Variants in SLC39A11 observed in about 807,000 individuals in gnomAD.
The protein encoded by SLC39A11 is solute carrier family 39 member 11.
A neutral mutation model predicts 36.1 loss-of-function variants in SLC39A11; 33 were observed. The observed-to-expected ratio is 0.91, with a 90% CI of 0.69 to 1.22. The LOEUF (loss-of-function observed/expected upper bound fraction) is 1.22, where lower values mean the gene tolerates loss of function less well. SLC39A11 is among the 50% of genes most tolerant of loss of function. The pLI is 0.00. For synonymous variants in SLC39A11, 166 were observed against 170.3 expected, an observed-to-expected ratio of 0.97 and a Z score of 0.20; for missense variants, 432 against 430.3, an observed-to-expected ratio of 1.00 and a Z score of -0.03.
intron 6 of SLC39A11, among the ~76,000 whole-genome samples, chr17:72,748,246 C>T (rs1329649717): frequency 6.0e-5 from 9 of 151,226 alleles, no homozygotes; most frequent in South Asian, 2.1e-4. Flanking sequence ...CGCTTGAACA[C>T]GGGAGGTGGA....
intron 6 of SLC39A11, among the ~76,000 whole-genome samples, chr17:72,806,847 T>G (rs1230814187): frequency 6.6e-6 from 1 of 152,188 alleles, no homozygotes; most frequent in East Asian, 1.9e-4. Flanking sequence ...CCTCCCAAAG[T>G]GCTGGGATTA....
chr17:72,931,838 C>G (rs905987598), intron 5 of SLC39A11, among the ~76,000 whole-genome samples: 1 of 152,172 alleles, frequency 6.6e-6, no homozygotes, highest in African/African-American at 2.4e-5. Flanking sequence ...GATCTAAGAT[C>G]TTGCTCTACA....
chr17:72,721,590 T>C (rs78251249), intron 7 of SLC39A11, among the ~76,000 whole-genome samples: 2,466 of 152,292 alleles, frequency 0.016, 50 homozygotes, highest in African/African-American at 0.048. Context: ...TCATCATTAC[T>C]GTGGTCCATG....
intron 3 of SLC39A11, among the ~76,000 whole-genome samples, chr17:73,080,420 T>C (rs1448087107): frequency 1.3e-5 from 2 of 152,150 alleles, no homozygotes; most frequent in African/African-American, 2.4e-5. Flanking sequence ...GCTGGGATCA[T>C]TGGAAAGCCA....
At chr17:72,715,850 T>G (rs1211023878) in intron 7 of SLC39A11, among the ~76,000 whole-genome samples, 2 of 151,976 alleles carry the variant, frequency 1.3e-5, no homozygotes, top group Admixed American at 6.6e-5. Context: ...ATTACAGGCA[T>G]GTGCCACCTG....
chr17:72,979,050 A>G (rs1213316456), intron 4 of SLC39A11, among the ~76,000 whole-genome samples: 1 of 152,028 alleles, frequency 6.6e-6, no homozygotes, highest in East Asian at 1.9e-4. Flanking sequence ...CCCCATAATC[A>G]CCACGTGTCA....
intron 6 of SLC39A11, among the ~76,000 whole-genome samples, chr17:72,820,941 T>C (rs2077752282): frequency 6.6e-6 from 1 of 150,636 alleles, no homozygotes; most frequent in African/African-American, 2.4e-5. Flanking sequence ...GGCCTTGGAA[T>C]GTCTGCCGTA....
In SLC39A11 at chr17:72,852,154, G is replaced by A. The variant is rs557397272; in HGVS notation, c.431-2350C>T. 1.7e-4 allele frequency among the ~76,000 whole-genome samples: 21 copies of A among 124,018 alleles called. No individual in the cohort carries two copies. The South Asian group carries it at 4.4e-3, about 26-fold the overall frequency. The allele number at this position is 124,018 out of a possible 152,430, so 81.4% of individuals were successfully genotyped here. ...CAGGAGGCGGAGCTTGCAGTGACCC[G>A]AGATCCCGCGGCTGCACTCCAGCCT... On this transcript the variant is annotated intron_variant, in intron 5 of 9. Transcript: ENST00000255559.
intron 4 of SLC39A11, among the ~76,000 whole-genome samples, chr17:72,973,080 A>G (rs2087575615): frequency 6.6e-6 from 1 of 151,282 alleles, no homozygotes; most frequent in Non-Finnish European, 1.5e-5. Flanking sequence ...AAATACCCCA[A>G]GCTGCCTTCT....
At chr17:72,967,235 T>A (rs1046466714) in intron 4 of SLC39A11, among the ~76,000 whole-genome samples, 4 of 152,178 alleles carry the variant, frequency 2.6e-5, no homozygotes, top group Admixed American at 6.5e-5. Context: ...TCCCCCGCTC[T>A]GTAGAAAAAT....
intron 4 of SLC39A11, among the ~76,000 whole-genome samples, chr17:72,976,655 C>A (rs1477190468): frequency 6.6e-6 from 1 of 152,142 alleles, no homozygotes. Flanking sequence ...TCGAGACCAT[C>A]CAGGCCAACA....
At chr17:72,720,800 T>C (rs927209209) in intron 7 of SLC39A11, among the ~76,000 whole-genome samples, 4 of 152,142 alleles carry the variant, frequency 2.6e-5, no homozygotes, top group Admixed American at 2.0e-4. Context: ...ATAGACCCAG[T>C]TGATGAAAGA....
intron 4 of SLC39A11, among the ~76,000 whole-genome samples, chr17:72,979,877 C>A (rs1437507676): frequency 6.6e-6 from 1 of 152,058 alleles, no homozygotes; most frequent in African/African-American, 2.4e-5. Context: ...CTCCCCAAAG[C>A]GGCAAGCACC....
intron 7 of SLC39A11, among the ~76,000 whole-genome samples, chr17:72,662,208 A>C (rs758717474): frequency 2.0e-5 from 3 of 152,072 alleles, no homozygotes; most frequent in Non-Finnish European, 4.4e-5. Flanking sequence ...TTGAGGCTGT[A>C]GTACTATGAT....
intron 4 of SLC39A11, among the ~76,000 whole-genome samples, chr17:72,992,162 G>A (rs1321268117): frequency 1.3e-5 from 2 of 152,070 alleles, no homozygotes; most frequent in Non-Finnish European, 1.5e-5. Flanking sequence ...GACCAGCCTG[G>A]CCAACATAGT....
At chr17:72,912,911 T>G (rs1463526433) in intron 5 of SLC39A11, among the ~76,000 whole-genome samples, 1 of 152,026 alleles carries the variant, frequency 6.6e-6, no homozygotes, top group African/African-American at 2.4e-5. Context: ...GGCTCAAGAG[T>G]GCTGACTCGA....
At chr17:73,059,970 G>A (rs773852434) in intron 3 of SLC39A11, among the ~76,000 whole-genome samples, 5 of 152,128 alleles carry the variant, frequency 3.3e-5, no homozygotes, top group Non-Finnish European at 5.9e-5. Context: ...AGCACTTTGG[G>A]AGGCTGAGGC....
intron 3 of SLC39A11, among the ~76,000 whole-genome samples, chr17:73,051,633 G>A (rs1280119925): frequency 3.3e-5 from 5 of 149,936 alleles, no homozygotes; most frequent in African/African-American, 9.9e-5. Context: ...CGAGGCGGGC[G>A]GATCACCTGA....
At chr17:73,085,521 C>T (rs1006039623) in intron 2 of SLC39A11, among the ~76,000 whole-genome samples, 2 of 151,522 alleles carry the variant, frequency 1.3e-5, no homozygotes, top group Non-Finnish European at 2.9e-5. Context: ...TAATGCATGC[C>T]TGTAATCGCA....
Sources: gnomAD v4.1 joint callset for allele counts (sites outside exome capture counted in the v4.1 genomes callset) on GRCh38, gnomAD v4.1.1 for gene constraint, MANE v1.5 for transcripts, NCBI Gene and HGNC (gene_info 2026-07-23, HGNC 2026-07-21) for gene names.